Variants in SNX25 observed in about 807,000 individuals in gnomAD.
The protein encoded by SNX25 is sorting nexin 25.
Under a neutral mutation model 113.7 loss-of-function variants are expected in SNX25, and 62 were observed. The observed-to-expected ratio is 0.55, with a 90% CI of 0.44 to 0.67. SNX25 has a LOEUF of 0.67. Among genes scored for constraint, SNX25 ranks in the 30% least tolerant of loss-of-function variants. The probability of loss-of-function intolerance (pLI) is 0.00; values close to 1 mark genes in which losing one functional copy is unlikely to be tolerated. For synonymous variants in SNX25, 421 were observed against 436.2 expected (o/e 0.97, Z 0.43); for missense variants, 1,014 against 1,161.0 (o/e 0.87, Z 1.84).
intron 13 of SNX25, 114 bp from the exon 14 acceptor site, chr4:185,351,331 G>A: frequency 9.0e-7 from 1 of 1,113,100 alleles, no homozygotes; most frequent in South Asian, 1.5e-5. Context: ...TTTCGGTTCA[G>A]AAGTCTGATG....
At chr4:185,352,879 C>T (rs1250708068) in intron 14 of SNX25, among the ~76,000 whole-genome samples, 1 of 152,164 alleles carries the variant, frequency 6.6e-6, no homozygotes. Context: ...CTGTCTCCTG[C>T]CCTATCATAA....
At chr4:185,253,033 A>G (rs1350848946) in intron 2 of SNX25, among the ~76,000 whole-genome samples, 1 of 152,128 alleles carries the variant, frequency 6.6e-6, no homozygotes, top group Non-Finnish European at 1.5e-5. Flanking sequence ...AGATTCTCCA[A>G]AAGCTACATT....
At chr4:185,293,806 T>G (rs1422413352) in intron 6 of SNX25, among the ~76,000 whole-genome samples, 1 of 152,168 alleles carries the variant, frequency 6.6e-6, no homozygotes, top group Non-Finnish European at 1.5e-5. Context: ...ATGAAAACAT[T>G]TCAAAATAGT....
intron 6 of SNX25, among the ~76,000 whole-genome samples, chr4:185,298,312 C>T (rs988035907): frequency 6.6e-6 from 1 of 152,104 alleles, no homozygotes; most frequent in Non-Finnish European, 1.5e-5. Flanking sequence ...TGGTCTCGAA[C>T]TCCTAACCTC....
At chr4:185,345,121 G>A (rs1205235609) in intron 12 of SNX25, among the ~76,000 whole-genome samples, 1 of 152,194 alleles carries the variant, frequency 6.6e-6, no homozygotes, top group Non-Finnish European at 1.5e-5. Context: ...TTAGATGGAA[G>A]CATTAAAAGA....
At chr4:185,301,443 G>T (rs971022057) in intron 6 of SNX25, among the ~76,000 whole-genome samples, 1 of 152,148 alleles carries the variant, frequency 6.6e-6, no homozygotes, top group Non-Finnish European at 1.5e-5. Context: ...CCAGGCTGGA[G>T]TGCAGTGGTG....
intron 1 of SNX25, among the ~76,000 whole-genome samples, chr4:185,225,691 CT>C (rs1444629649): frequency 6.6e-6 from 1 of 152,146 alleles, no homozygotes; most frequent in East Asian, 1.9e-4. Context: ...TTTCTTGCAC[CT>C]GCTGTTTGCA....
At chr4:185,222,549 C>T (rs78596858) in intron 1 of SNX25, among the ~76,000 whole-genome samples, 2,930 of 152,284 alleles carry the variant, frequency 0.019, 60 homozygotes, top group Middle Eastern at 0.071. Context: ...ATATCCCCTT[C>T]GTGGTAGCTA....
intron 9 of SNX25, among the ~76,000 whole-genome samples, chr4:185,331,745 C>T (rs1301902871): frequency 2.0e-5 from 3 of 152,178 alleles, no homozygotes; most frequent in East Asian, 1.9e-4. Flanking sequence ...CACGCCACTG[C>T]ACTCCAGCCT....
downstream of SNX25, chr4:185,374,411 T>A (rs1181247834): frequency 1.2e-6 from 2 of 1,614,088 alleles, no homozygotes; most frequent in Non-Finnish European, 1.7e-6. Flanking sequence ...AGTGTCTTGC[T>A]TTGGGACATG....
At chr4:185,346,709 G>A in intron 13 of SNX25, 59 bp downstream of exon 13, 1 of 1,091,088 alleles carries the variant, frequency 9.2e-7, no homozygotes, top group Non-Finnish European at 1.3e-6. Flanking sequence ...GGGTTAAACT[G>A]TCATCATTCT....
chr4:185,299,407 C>T (rs903497759), intron 6 of SNX25, among the ~76,000 whole-genome samples: 3 of 152,288 alleles, frequency 2.0e-5, no homozygotes, highest in African/African-American at 2.4e-5. Flanking sequence ...CTATGGTGCA[C>T]GTCAGCCTCA....
At chr4:185,297,167 T>A (rs1444928988) in intron 6 of SNX25, among the ~76,000 whole-genome samples, 1 of 152,234 alleles carries the variant, frequency 6.6e-6, no homozygotes, top group Non-Finnish European at 1.5e-5. Context: ...CTGCCTAATA[T>A]AATTGCCATT....
chr4:185,256,624 CTTTTTTTT>C (rs35160292), intron 2 of SNX25, among the ~76,000 whole-genome samples: 2 of 112,586 alleles, frequency 1.8e-5, no homozygotes, highest in African/African-American at 3.0e-5. Context: ...ACCTAAATTT[CTTTTTTTT>C]TTTTTTTTTT....
At chr4:185,294,441 T>C (rs1218893016) in intron 6 of SNX25, among the ~76,000 whole-genome samples, 1 of 152,186 alleles carries the variant, frequency 6.6e-6, no homozygotes, top group East Asian at 1.9e-4. Flanking sequence ...CATAAAGGGT[T>C]CTCAATGAAG....
chr4:185,376,150 C>T, the SNX25 span, among the ~76,000 whole-genome samples: 1 of 152,148 alleles, frequency 6.6e-6, no homozygotes, highest in South Asian at 2.1e-4. Context: ...CTTCCCAGGC[C>T]ACCCCAACAA....
intron 9 of SNX25, among the ~76,000 whole-genome samples, chr4:185,330,465 G>C (rs1420451434): frequency 2.0e-5 from 3 of 152,192 alleles, no homozygotes; most frequent in African/African-American, 7.2e-5. Context: ...GGCGGTGCTT[G>C]TCCAAGATGG....
At chr4:185,207,177 A>AGTCAAATT, upstream of SNX25, among the ~76,000 whole-genome samples, 1 of 149,044 alleles carries the variant, frequency 6.7e-6, no homozygotes, top group East Asian at 2.0e-4. Flanking sequence ...ATCCCAATCC[A>AGTCAAATT]GTCAAATTGA....
rs202195524 is a variant in SNX25, at chr4:185,266,980, G to C, written c.916G>C (p.Val306Leu). Residue 306 changes from valine (V) to leucine (L), a missense_variant, in exon 5 of 19, where the codon GTA becomes CTA. Val to Leu is a conservative substitution (Grantham distance 32). Transcript: ENST00000652585. ...TCTTCTTCCTGTAGTCTTGAAGCCG[G>C]TAGTGGAGTTACTGAGTAATCCAGA... Reference protein sequence around the residue: ...EILTTKVLKPVVELLSNPDYI... With the variant: ...EILTTKVLKPLVELLSNPDYI... 3 of 1,612,250 alleles carry C rather than the reference G, an allele frequency of 1.9e-6. No individual in the cohort carries two copies. Among genetic ancestry groups the C allele is most frequent in the Non-Finnish European group, 2.5e-6 (3 of 1,179,298 alleles).
Sources: gnomAD v4.1 joint callset for allele counts (sites outside exome capture counted in the v4.1 genomes callset) on GRCh38, gnomAD v4.1.1 for gene constraint, MANE v1.5 for transcripts, NCBI Gene and HGNC (gene_info 2026-07-23, HGNC 2026-07-21) for gene names.